Variants in NAA16 observed in about 807,000 individuals in gnomAD.
NAA16 encodes the protein N-alpha-acetyltransferase 16, NatA auxiliary subunit.
A neutral mutation model predicts 110.3 loss-of-function variants in NAA16; 97 were observed. The observed-to-expected ratio is 0.88, with a 90% CI of 0.75 to 1.04. The LOEUF is 1.04. Ranked by LOEUF, NAA16 falls within the 50% of genes least tolerant of loss-of-function variation. NAA16 has a pLI of 0.00. For missense variants in NAA16, 1,017 were observed against 1,005.1 expected (o/e 1.01, Z -0.16); for synonymous variants, 372 against 330.6 (o/e 1.13, Z -1.36).
At chr13:41,362,510 C>G in intron 13 of NAA16, 1 of 369,734 alleles carries the variant, frequency 2.7e-6, no homozygotes, top group South Asian at 2.3e-5. Flanking sequence ...CCTCTTTCCC[C>G]TTTAAAACAT....
At chr13:41,362,189 T>C in intron 13 of NAA16, 30 bp downstream of exon 13, 6 of 1,585,248 alleles carry the variant, frequency 3.8e-6, no homozygotes, top group Non-Finnish European at 5.1e-6. Flanking sequence ...ACTTCAGTTT[T>C]CACTGTAAGG....
chr13:41,344,435 T>TG (rs1398170343), intron 9 of NAA16, among the ~76,000 whole-genome samples: 1 of 152,234 alleles, frequency 6.6e-6, no homozygotes, highest in African/African-American at 2.4e-5. Context: ...ATGAGGGTGT[T>TG]GGGGAGTGGA....
intron 5 of NAA16, 148 bp downstream of exon 5, chr13:41,323,338 A>T (rs1010714314): frequency 1.3e-6 from 1 of 743,188 alleles, no homozygotes; most frequent in African/African-American, 1.8e-5. Context: ...AAAATGTAGG[A>T]TTATTTTTCT....
Position 41,312,632 on chromosome 13 carries a change from G to T in NAA16, c.54+1050G>T, listed in dbSNP as rs558825685. On this transcript the variant is annotated intron_variant, in intron 1 of 19. Transcript: ENST00000379406. ...TATTGAAAGCTGGGTTGGCTATATG[G>T]CTGTTAGTTGTTGCTTAACTTTACT... is the stretch of plus-strand genomic sequence containing the variant. Among the ~76,000 whole-genome samples the T allele has an allele frequency of 6.6e-5, 10 of 152,254 alleles. 1 individual carries two copies. The South Asian group carries it at 1.2e-3, about 19-fold the overall frequency.
At chr13:41,367,867 A>G (rs966093736) in intron 14 of NAA16, among the ~76,000 whole-genome samples, 1 of 152,144 alleles carries the variant, frequency 6.6e-6, no homozygotes, top group African/African-American at 2.4e-5. Flanking sequence ...ACTTTAATGG[A>G]ACAACTTAGA....
chr13:41,338,013 C>T (rs1593456528), intron 9 of NAA16, among the ~76,000 whole-genome samples: 1 of 152,190 alleles, frequency 6.6e-6, no homozygotes, highest in East Asian at 1.9e-4. Context: ...GTTGTATGGT[C>T]TATTTGACTG....
intron 5 of NAA16, among the ~76,000 whole-genome samples, chr13:41,324,376 T>C (rs1333041723): frequency 2.3e-5 from 3 of 132,318 alleles, no homozygotes; most frequent in Admixed American, 1.5e-4. Context: ...TTTTTTTTTT[T>C]TTTTTTTTTT....
chr13:41,311,633 C>T (rs760890929), intron 1 of NAA16, 51 bp downstream of exon 1: 44 of 1,551,478 alleles, frequency 2.8e-5, no homozygotes, highest in South Asian at 1.0e-4. Flanking sequence ...GGTCCTCGGG[C>T]CTTAAGGGCA....
intron 1 of NAA16, among the ~76,000 whole-genome samples, chr13:41,316,328 A>T (rs1295832236): frequency 2.1e-5 from 3 of 144,596 alleles, no homozygotes; most frequent in African/African-American, 7.7e-5. Context: ...TTTTTTTGAG[A>T]CAGAGTCTCG....
At chr13:41,317,599 T>C (rs914744342) in intron 2 of NAA16, among the ~76,000 whole-genome samples, 1 of 152,230 alleles carries the variant, frequency 6.6e-6, no homozygotes, top group Non-Finnish European at 1.5e-5. Context: ...GAAAATAGGC[T>C]GACCTTGCTC....
chr13:41,333,361 CTCTG>C (rs1346745854), intron 8 of NAA16, among the ~76,000 whole-genome samples: 1 of 152,108 alleles, frequency 6.6e-6, no homozygotes, highest in East Asian at 1.9e-4. Context: ...CAACCATCAT[CTCTG>C]TCTGCTTTCA....
Position 41,372,830 on chromosome 13 carries a change from G to A in NAA16, c.2155G>A (p.Val719Met). Residue 719 changes from valine (V) to methionine (M), a missense_variant and splice_region_variant, in exon 17 of 20, where the codon GTG (valine) becomes ATG (methionine). Physicochemically the swap from Val to Met is conservative, Grantham distance 21. Coordinates refer to ENST00000379406, the MANE Select transcript of NAA16 (RefSeq NM_024561.5). Reference protein sequence around the residue: ...HECLIRFSKSVSNHSNLPDIV... With the variant: ...HECLIRFSKSMSNHSNLPDIV... ...ATGTTTAATTAGATTTTCTAAATCT[G>A]GTAAGTATAAAAAAGGACCATATTT... is the stretch of plus-strand genomic sequence containing the variant. The A allele has an allele frequency of 6.4e-7, 1 of 1,565,668 alleles. No individual in the cohort carries two copies. Among genetic ancestry groups the A allele is most frequent in the Non-Finnish European group, 8.7e-7 (1 of 1,152,146 alleles).
In NAA16 at chr13:41,334,858, AT is replaced by A. The variant is rs559520448; in HGVS notation, c.908-1790del. Reference sequence around the variant, plus strand: ...TGATGGTGTATTCTTCTACAAATACATTGTGCATGTGTGAGCCAAAATATGT... The same window carrying A: ...TGATGGTGTATTCTTCTACAAATACATGTGCATGTGTGAGCCAAAATATGT... On this transcript the variant is annotated intron_variant, in intron 8 of 19. Coordinates refer to ENST00000379406, the MANE Select transcript of NAA16 (RefSeq NM_024561.5). Among the ~76,000 whole-genome samples, 299 of 152,308 alleles carry A rather than the reference AT, an allele frequency of 2.0e-3. 1 individual carries two copies. Among genetic ancestry groups the A allele is most frequent in the Middle Eastern group, 6.8e-3 (2 of 294 alleles).
chr13:41,348,991 G>T (rs2042757220), intron 9 of NAA16, among the ~76,000 whole-genome samples: 1 of 151,912 alleles, frequency 6.6e-6, no homozygotes, highest in Admixed American at 6.6e-5. Flanking sequence ...ACTGTTTTTG[G>T]TTTTAATATT....
chr13:41,375,430 T>A lies in NAA16; in HGVS notation c.2423T>A (p.Leu808Gln). The change falls in exon 20 of 20, where the codon CTG becomes CAG. Residue 808 changes from leucine to glutamine, a missense_variant. Transcript: ENST00000379406. ...ACATTAATAAAGGTTTCTGAAGCAC[T>A]GCTTGATGGCAGCTTTGGGAACTGT... ...VKTLIKVSEA[L>Q]LDGSFGNCSS... The A allele has an allele frequency of 6.2e-7, 1 of 1,613,752 alleles. No individual in the cohort carries two copies. The highest frequency in any genetic ancestry group is 1.1e-5 in the South Asian group (1 of 91,036).
intron 10 of NAA16, among the ~76,000 whole-genome samples, chr13:41,357,886 T>C (rs576464742): frequency 6.6e-6 from 1 of 152,212 alleles, no homozygotes; most frequent in Non-Finnish European, 1.5e-5. Flanking sequence ...TATTGAGGCC[T>C]GGAAAATGGT....
chr13:41,362,077 G>C lies in NAA16; in HGVS notation c.1457G>C (p.Trp486Ser). ...AATCTAAATGAAATGCAGTGTATGT[G>C]GTTTCAGACAGAATGCATTTCAGCT... Reference protein sequence around the residue: ...MENLNEMQCMWFQTECISAYQ... With the variant: ...MENLNEMQCMSFQTECISAYQ... Residue 486 changes from tryptophan (W) to serine (S), a missense_variant, in exon 13 of 20, where the codon TGG becomes TCG. By Grantham distance (177) the Trp-to-Ser change is radical. Coordinates refer to ENST00000379406, the MANE Select transcript of NAA16 (RefSeq NM_024561.5). 1 of 1,610,624 alleles carries C rather than the reference G, an allele frequency of 6.2e-7. No individual in the cohort carries two copies. The highest frequency in any genetic ancestry group is 8.5e-7 in the Non-Finnish European group (1 of 1,178,898).
intron 8 of NAA16, among the ~76,000 whole-genome samples, chr13:41,335,859 GTTT>G (rs66771949): frequency 1.8e-4 from 26 of 146,564 alleles, no homozygotes; most frequent in African/African-American, 4.2e-4. Context: ...ACATACATGT[GTTT>G]TTTTTTTTTT....
intron 2 of NAA16, among the ~76,000 whole-genome samples, chr13:41,317,903 TC>T (rs2041849006): frequency 6.6e-6 from 1 of 152,348 alleles, no homozygotes; most frequent in South Asian, 2.1e-4. Context: ...TTTATTAACT[TC>T]CTTACATGTT....
Sources: allele counts gnomAD v4.1 joint callset (sites outside exome capture counted in the v4.1 genomes callset), GRCh38; gene constraint gnomAD v4.1.1; transcripts MANE v1.5; gene names NCBI Gene and HGNC (gene_info 2026-07-23, HGNC 2026-07-21).